Variants in ZDHHC11B observed in about 807,000 individuals in gnomAD.
The protein encoded by ZDHHC11B is zDHHC palmitoyltransferase 11B (putative), also known as probable palmitoyltransferase ZDHHC11B.
ZDHHC11B carries 17 observed loss-of-function variants against 42.3 expected under a neutral mutation model. The observed-to-expected ratio is 0.40, with a 90% CI of 0.27 to 0.60. The LOEUF (loss-of-function observed/expected upper bound fraction) is 0.60, where lower values mean the gene tolerates loss of function less well. Among genes scored for constraint, ZDHHC11B ranks in the 20% least tolerant of loss-of-function variants. ZDHHC11B has a pLI of 0.41. For synonymous variants in ZDHHC11B, 123 were observed against 193.5 expected (o/e 0.64, Z 3.02); for missense variants, 262 against 463.2 (o/e 0.57, Z 3.99).
At chr5:760,851 C>G (rs184991586) in intron 4 of ZDHHC11B, among the ~76,000 whole-genome samples, 1 of 151,492 alleles carries the variant, frequency 6.6e-6, no homozygotes, top group African/African-American at 2.4e-5. Context: ...TGCGTCCCCA[C>G]CTACAGGGCC....
chr5:783,918 G>A (rs1737062461), intron 1 of ZDHHC11B, among the ~76,000 whole-genome samples: 1 of 147,938 alleles, frequency 6.8e-6, no homozygotes, highest in African/African-American at 2.5e-5. Flanking sequence ...CCCCGCCACT[G>A]CCCGGGAGGG....
chr5:713,139 T>A (rs1741494492), intron 13 of ZDHHC11B, among the ~76,000 whole-genome samples: 1 of 151,536 alleles, frequency 6.6e-6, no homozygotes. Context: ...AAACATAACA[T>A]AGCCTTCAAA....
chr5:765,666 G>C (rs1735198771), intron 4 of ZDHHC11B, among the ~76,000 whole-genome samples: 2 of 151,876 alleles, frequency 1.3e-5, no homozygotes, highest in Non-Finnish European at 2.9e-5. Flanking sequence ...TCTTGCTGCT[G>C]CTCACTCTTT....
chr5:783,756 A>C (rs1343076130), intron 1 of ZDHHC11B, among the ~76,000 whole-genome samples: 13 of 75,642 alleles, frequency 1.7e-4, no homozygotes, highest in African/African-American at 1.0e-4. Context: ...AGCAGCCCCC[A>C]AATACCCATC....
chr5:752,334 C>G (rs1355396119), intron 6 of ZDHHC11B, among the ~76,000 whole-genome samples: 30 of 96,478 alleles, frequency 3.1e-4, no homozygotes, highest in African/African-American at 8.7e-4. Context: ...AAAGCGATGT[C>G]CATGCTGTAG....
At chr5:721,234 G>T (rs1268260374) in intron 12 of ZDHHC11B, among the ~76,000 whole-genome samples, 1 of 148,820 alleles carries the variant, frequency 6.7e-6, no homozygotes, top group Non-Finnish European at 1.5e-5. Flanking sequence ...GGATCAAAAT[G>T]GAACATTACA....
chr5:771,965 C>A (rs1286255373), intron 1 of ZDHHC11B, among the ~76,000 whole-genome samples: 7 of 151,458 alleles, frequency 4.6e-5, no homozygotes, highest in Admixed American at 1.3e-4. Context: ...GACTTCCCAG[C>A]CCATCAGCAC....
In ZDHHC11B at chr5:745,219, T is replaced by C. The variant is rs763961452; in HGVS notation, c.864A>G (p.Lys288=). Residue 288 remains lysine (K), a synonymous_variant, in exon 9 of 14, where the codon AAA becomes AAG. Transcript: ENST00000508859. ...EESSKHQAVR[K]DPYVQMDKGF... is the part of the protein sequence containing the mutation. ...CTTTGTCCATTTGCACGTATGGATC[T>C]TTCCTCACTGCTTGATGTTTTGAAC... The C allele has an allele frequency of 1.9e-6, 3 of 1,605,502 alleles. No homozygotes were observed. The highest frequency in any genetic ancestry group is 2.6e-6 in the Non-Finnish European group (3 of 1,176,032).
At chr5:780,489 A>C (rs1321547321) in intron 1 of ZDHHC11B, among the ~76,000 whole-genome samples, 11 of 150,550 alleles carry the variant, frequency 7.3e-5, no homozygotes, top group Non-Finnish European at 1.0e-4. Flanking sequence ...CCAGCACAGC[A>C]GTGTGCCCAC....
chr5:742,465 T>A (rs429451), intron 9 of ZDHHC11B, among the ~76,000 whole-genome samples: 54,681 of 82,686 alleles, frequency 0.66, 19,026 homozygotes, highest in Middle Eastern at 0.81. Context: ...TTTATTGTGC[T>A]TTGCTTTACT....
chr5:757,051 G>A (rs1733958139), intron 4 of ZDHHC11B, among the ~76,000 whole-genome samples: 1 of 151,824 alleles, frequency 6.6e-6, no homozygotes, highest in Non-Finnish European at 1.5e-5. Flanking sequence ...TGGAACGTCA[G>A]CTTCCGCCCT....
Position 751,296 on chromosome 5 carries a change from G to A in ZDHHC11B, c.504-39C>T, listed in dbSNP as rs1487602442. On this transcript the variant is annotated intron_variant, in intron 6 of 13. Transcript: ENST00000508859. Reference sequence around the variant, plus strand: ...CACAGGCAGGCATGGGGGTGGGGACGTGGGAGCAGTGGGGGCGCAGGGGCA... The same window carrying A: ...CACAGGCAGGCATGGGGGTGGGGACATGGGAGCAGTGGGGGCGCAGGGGCA... The A allele has an allele frequency of 2.1e-5, 16 of 762,256 alleles. 2 individuals are homozygous for A. The highest frequency in any genetic ancestry group is 4.9e-5 in the South Asian group (2 of 40,986). 47.2% of individuals were successfully genotyped at this position (762,256 alleles called of 1,614,324 possible).
At chr5:714,970 GCCT>G (rs1231292743) in intron 13 of ZDHHC11B, among the ~76,000 whole-genome samples, 1 of 151,098 alleles carries the variant, frequency 6.6e-6, no homozygotes, top group Non-Finnish European at 1.5e-5. Context: ...CCAGCCCTTC[GCCT>G]CCTCTCTCTC....
At chr5:761,494 G>C (rs1242900612) in intron 4 of ZDHHC11B, among the ~76,000 whole-genome samples, 1 of 151,864 alleles carries the variant, frequency 6.6e-6, no homozygotes, top group East Asian at 1.9e-4. Context: ...AGGGGATCTT[G>C]GGGAATGCCA....
chr5:770,530 C>CGCTCTGCA (rs1735928292), intron 1 of ZDHHC11B, among the ~76,000 whole-genome samples: 1 of 151,120 alleles, frequency 6.6e-6, no homozygotes, highest in Non-Finnish European at 1.5e-5. Context: ...TGTGGACGCC[C>CGCTCTGCA]GCTCTGCAGC....
chr5:715,708 T>A (rs1354052650), intron 13 of ZDHHC11B, among the ~76,000 whole-genome samples: 1 of 151,504 alleles, frequency 6.6e-6, no homozygotes, highest in Admixed American at 6.6e-5. Context: ...AGGTTTGCTG[T>A]CTCTCTGGGC....
chr5:783,257 C>T (rs879387809), intron 1 of ZDHHC11B, among the ~76,000 whole-genome samples: 3,011 of 148,060 alleles, frequency 0.02, 8 homozygotes, highest in East Asian at 0.17. Flanking sequence ...CTCCGAGGAT[C>T]ACGTGGTGGG....
chr5:765,424 CTT>C (rs1449028492), intron 4 of ZDHHC11B, among the ~76,000 whole-genome samples: 2 of 151,920 alleles, frequency 1.3e-5, no homozygotes, highest in African/African-American at 4.8e-5. Flanking sequence ...ACTTGGAGAA[CTT>C]TTGTGTCTAG....
In ZDHHC11B at chr5:713,355, A is replaced by G. The variant is rs567087203; in HGVS notation, c.*8-1073T>C. Among the ~76,000 whole-genome samples, 139 of 152,126 alleles carry G rather than the reference A, an allele frequency of 9.1e-4. 3 individuals carry two copies. Among genetic ancestry groups the G allele is most frequent in the Non-Finnish European group, 1.6e-3 (108 of 67,966 alleles). ...CCAAATCTGCTTTGTAATTTAAAAA[A>G]TAGTTTTCTGTTCTCTTCAGATATT... On this transcript the variant is annotated intron_variant, in intron 13 of 13. Coordinates refer to ENST00000508859, the MANE Select transcript of ZDHHC11B (RefSeq NM_001351303.2).
Sources: allele counts gnomAD v4.1 joint callset (sites outside exome capture counted in the v4.1 genomes callset), GRCh38; gene constraint gnomAD v4.1.1; transcripts MANE v1.5; gene names NCBI Gene and HGNC (gene_info 2026-07-23, HGNC 2026-07-21).